Variants in PARD3B observed in about 807,000 individuals in gnomAD.
The protein encoded by PARD3B is partitioning defective 3 homolog B.
Under a neutral mutation model 130.2 loss-of-function variants are expected in PARD3B, and 103 were observed. That is an observed-to-expected ratio of 0.79 (90% CI 0.67 to 0.93). PARD3B has a LOEUF of 0.93. PARD3B is among the 40% of genes least tolerant of loss of function. PARD3B has a pLI of 0.00. For synonymous variants in PARD3B, 583 were observed against 553.2 expected, an observed-to-expected ratio of 1.05 and a Z score of -0.76; for missense variants, 1,609 against 1,499.2, an observed-to-expected ratio of 1.07 and a Z score of -1.21.
chr2:204,927,439 C>G (rs1687705214), intron 2 of PARD3B, among the ~76,000 whole-genome samples: 2 of 152,104 alleles, frequency 1.3e-5, no homozygotes, highest in South Asian at 4.1e-4. Context: ...CCTGCTGGCA[C>G]CTTTATCTCA....
chr2:205,295,724 C>CG (rs2041765258), intron 16 of PARD3B, among the ~76,000 whole-genome samples: 1 of 151,984 alleles, frequency 6.6e-6, no homozygotes, highest in African/African-American at 2.4e-5. Flanking sequence ...ATTTTTAATG[C>CG]TAAAGTGGGA....
intron 21 of PARD3B, among the ~76,000 whole-genome samples, chr2:205,511,610 A>G (rs2050591163): frequency 6.6e-6 from 1 of 152,186 alleles, no homozygotes; most frequent in South Asian, 2.1e-4. Context: ...TGAATTCCAG[A>G]TTTCTTAAAC....
At position 205,054,595 on chromosome 2, in the gene PARD3B, T is replaced by G. The variant is rs952108470; in HGVS notation, c.504+6905T>G. The stretch of plus-strand genomic sequence containing the variant: ...TATCTCCTAATGCTATCCCTTTCCC[T>G]TCCCCGCACCCCACAACAGGCCCCG... On this transcript the variant is annotated intron_variant, in intron 4 of 22. Coordinates refer to ENST00000406610, the MANE Select transcript of PARD3B (RefSeq NM_001302769.2). 7.3e-5 allele frequency among the ~76,000 whole-genome samples: 11 copies of G among 151,368 alleles called. No homozygotes were observed. In the East Asian group the frequency reaches 2.2e-3, roughly 30 times the overall value.
intron 2 of PARD3B, among the ~76,000 whole-genome samples, chr2:204,735,894 C>G (rs918498587): frequency 7.9e-5 from 12 of 152,162 alleles, no homozygotes; most frequent in Admixed American, 5.2e-4. Flanking sequence ...ATTATTAAAT[C>G]TGGGTGAAGG....
At position 205,061,794 on chromosome 2, in the gene PARD3B, C is replaced by CAA. The variant is rs547561903; in HGVS notation, c.504+14119_504+14120dup. The stretch of plus-strand genomic sequence containing the variant: ...AGACCCTTGCAAGTTCTTTTAATTT[C>CAA]AAAAAAAAAAAAAAAATTCCTCCAA... On this transcript the variant is annotated intron_variant, in intron 4 of 22. Coordinates refer to ENST00000406610, the MANE Select transcript of PARD3B (RefSeq NM_001302769.2). 9.4e-3 allele frequency among the ~76,000 whole-genome samples: 1,163 copies of CAA among 123,876 alleles called. 7 individuals carry two copies. Among genetic ancestry groups the CAA allele is most frequent in the African/African-American group, 0.031 (1,041 of 33,766 alleles). 81.3% of individuals were successfully genotyped at this position (123,876 alleles called of 152,430 possible). A position where few individuals can be genotyped will look rare whatever the true frequency, so the allele number is the denominator to read the frequency against.
In PARD3B at chr2:205,345,981, G is replaced by A. The variant is rs2043740807; in HGVS notation, c.2630+44280G>A. Reference sequence around the variant, plus strand: ...AGGTCAGGAGTTCAAGACCAGCCTGGCCAACATAGTGAAACCCTGTCTCTA... The same window carrying A: ...AGGTCAGGAGTTCAAGACCAGCCTGACCAACATAGTGAAACCCTGTCTCTA... On this transcript the variant is annotated intron_variant, in intron 18 of 22. Coordinates refer to ENST00000406610, the MANE Select transcript of PARD3B (RefSeq NM_001302769.2). Among the ~76,000 whole-genome samples, 2 of 91,654 alleles carry A rather than the reference G, an allele frequency of 2.2e-5. 1 individual carries two copies. Among genetic ancestry groups the A allele is most frequent in the African/African-American group, 5.4e-5 (2 of 37,024 alleles). The allele number at this position is 91,654 out of a possible 152,430, so 60.1% of individuals were successfully genotyped here.
intron 20 of PARD3B, among the ~76,000 whole-genome samples, chr2:205,468,995 G>A (rs2048732755): frequency 6.7e-6 from 1 of 149,100 alleles, no homozygotes; most frequent in Middle Eastern, 3.5e-3. Context: ...ATGAAGCCCT[G>A]TGTGTTATTC....
chr2:205,210,017 A>G (rs1470020858), intron 15 of PARD3B, among the ~76,000 whole-genome samples: 1 of 152,014 alleles, frequency 6.6e-6, no homozygotes, highest in Non-Finnish European at 1.5e-5. Context: ...TGTATCCCAT[A>G]AATATATACA....
intron 10 of PARD3B, among the ~76,000 whole-genome samples, chr2:205,155,581 A>T (rs1299426882): frequency 2.0e-5 from 3 of 152,350 alleles, no homozygotes; most frequent in Admixed American, 2.0e-4. Flanking sequence ...AGAAAAAATA[A>T]TAAAACACTT....
chr2:205,002,359 G>A (rs1171775191), intron 3 of PARD3B, among the ~76,000 whole-genome samples: 2 of 152,172 alleles, frequency 1.3e-5, no homozygotes, highest in African/African-American at 4.8e-5. Context: ...CCCTGTGCTG[G>A]CTTTCCTTAA....
intron 19 of PARD3B, among the ~76,000 whole-genome samples, chr2:205,411,048 A>G (rs1036113016): frequency 2.0e-5 from 3 of 152,162 alleles, no homozygotes; most frequent in African/African-American, 7.2e-5. Context: ...TTCTGACCCC[A>G]GTGGGTATTT....
intron 22 of PARD3B, among the ~76,000 whole-genome samples, chr2:205,554,029 T>C (rs1469739448): frequency 6.6e-6 from 1 of 152,186 alleles, no homozygotes; most frequent in Non-Finnish European, 1.5e-5. Flanking sequence ...TGTGCTGTTA[T>C]TGGTGAGATG....
chr2:205,445,507 A>G (rs753970902), intron 20 of PARD3B, among the ~76,000 whole-genome samples: 3 of 152,126 alleles, frequency 2.0e-5, no homozygotes, highest in Admixed American at 6.6e-5. Context: ...CAGGAGCAAG[A>G]CAGAGAGGAG....
At chr2:205,439,696 T>C (rs1170940221) in intron 19 of PARD3B, among the ~76,000 whole-genome samples, 1 of 152,206 alleles carries the variant, frequency 6.6e-6, no homozygotes. Flanking sequence ...TTTAATTCAC[T>C]TATATGTGCC....
intron 21 of PARD3B, among the ~76,000 whole-genome samples, chr2:205,552,084 G>A (rs563389940): frequency 9.9e-5 from 15 of 152,270 alleles, no homozygotes; most frequent in Admixed American, 6.5e-4. Flanking sequence ...AGAACAATGA[G>A]ATACAATATC....
chr2:204,905,883 C>G (rs567226628), intron 2 of PARD3B, among the ~76,000 whole-genome samples: 29 of 152,048 alleles, frequency 1.9e-4, no homozygotes, highest in African/African-American at 7.0e-4. Flanking sequence ...GTTTCTAACA[C>G]CTGAAAACAT....
At chr2:204,697,440 T>C in intron 2 of PARD3B, among the ~76,000 whole-genome samples, 1 of 152,082 alleles carries the variant, frequency 6.6e-6, no homozygotes, top group Non-Finnish European at 1.5e-5. Context: ...TTCAAGAAAA[T>C]CTTTTTCAGC....
At chr2:204,714,463 G>A (rs139443495) in intron 2 of PARD3B, among the ~76,000 whole-genome samples, 87 of 152,076 alleles carry the variant, frequency 5.7e-4, no homozygotes, top group African/African-American at 2.1e-3. Context: ...TTATATATGA[G>A]CCAATGAATA....
intron 18 of PARD3B, among the ~76,000 whole-genome samples, chr2:205,373,529 T>C (rs997526020): frequency 3.3e-5 from 5 of 152,162 alleles, no homozygotes; most frequent in Admixed American, 2.6e-4. Context: ...TTCAAACCAT[T>C]CCAAGTGAAA....
Sources: allele counts gnomAD v4.1 joint callset (sites outside exome capture counted in the v4.1 genomes callset), GRCh38; gene constraint gnomAD v4.1.1; transcripts MANE v1.5; gene names NCBI Gene and HGNC (gene_info 2026-07-23, HGNC 2026-07-21).